MYRIP: variants seen among roughly 807,000 people sequenced by gnomAD.
MYRIP encodes the protein rab effector MyRIP.
In MYRIP, 49 loss-of-function variants were observed where a neutral mutation model predicts 98.0. That is an observed-to-expected ratio of 0.50 (90% CI 0.40 to 0.63). The LOEUF is 0.63. MYRIP is among the 30% of genes least tolerant of loss of function. MYRIP has a pLI of 0.00. For synonymous variants in MYRIP, 404 were observed against 409.5 expected (o/e 0.99, Z 0.16); for missense variants, 1,004 against 1,058.2 (o/e 0.95, Z 0.71).
intron 1 of MYRIP, among the ~76,000 whole-genome samples, chr3:39,890,369 C>G (rs766546025): frequency 5.3e-5 from 8 of 151,990 alleles, no homozygotes; most frequent in Non-Finnish European, 1.2e-4. Context: ...TGATATTTCC[C>G]CATTTCTTCA....
intron 1 of MYRIP, among the ~76,000 whole-genome samples, chr3:39,875,879 C>T (rs1189609818): frequency 6.6e-6 from 1 of 151,978 alleles, no homozygotes; most frequent in Non-Finnish European, 1.5e-5. Flanking sequence ...GAGCTGAGTT[C>T]AATTCCTGGG....
intron 1 of MYRIP, among the ~76,000 whole-genome samples, chr3:39,814,622 C>A (rs1940817611): frequency 6.6e-6 from 1 of 152,208 alleles, no homozygotes; most frequent in African/African-American, 2.4e-5. Flanking sequence ...ATCCTTGGAT[C>A]TGTCTCTTGA....
At chr3:39,976,698 T>C (rs1029469167) in intron 2 of MYRIP, among the ~76,000 whole-genome samples, 8 of 152,192 alleles carry the variant, frequency 5.3e-5, no homozygotes, top group African/African-American at 1.9e-4. Flanking sequence ...ATATACACCA[T>C]GGAATACTAT....
At chr3:39,969,047 G>C (rs1254791633) in intron 2 of MYRIP, among the ~76,000 whole-genome samples, 1 of 152,000 alleles carries the variant, frequency 6.6e-6, no homozygotes, top group Admixed American at 6.6e-5. Context: ...TCACCTCCCT[G>C]GTTAGCTATG....
chr3:39,977,615 T>G (rs1373026945), intron 2 of MYRIP, among the ~76,000 whole-genome samples: 2 of 152,108 alleles, frequency 1.3e-5, no homozygotes, highest in Admixed American at 6.6e-5. Flanking sequence ...GACAATTAGG[T>G]GGAAACTAGT....
chr3:39,962,217 G>A (rs1945339684), intron 2 of MYRIP, among the ~76,000 whole-genome samples: 2 of 152,258 alleles, frequency 1.3e-5, no homozygotes, highest in East Asian at 3.9e-4. Context: ...TGAAGGTCAA[G>A]TAAAATTATG....
chr3:39,930,611 G>A (rs1235100880), intron 2 of MYRIP, among the ~76,000 whole-genome samples: 1 of 151,924 alleles, frequency 6.6e-6, no homozygotes, highest in Non-Finnish European at 1.5e-5. Flanking sequence ...ATCCAAGGTT[G>A]TAAAGATTTA....
At chr3:39,995,746 A>G (rs1017636901) in intron 2 of MYRIP, among the ~76,000 whole-genome samples, 2 of 152,160 alleles carry the variant, frequency 1.3e-5, no homozygotes, top group Non-Finnish European at 2.9e-5. Context: ...AGATTCACCA[A>G]AGTTGAAATG....
At chr3:40,017,905 TC>T (rs1946904044) in intron 2 of MYRIP, among the ~76,000 whole-genome samples, 1 of 152,264 alleles carries the variant, frequency 6.6e-6, no homozygotes. Flanking sequence ...TAATGAGTAA[TC>T]AGCTTTGTCT....
chr3:40,203,976 TATATATA>T (rs1260882191), intron 10 of MYRIP, among the ~76,000 whole-genome samples: 4 of 9,066 alleles, frequency 4.4e-4, no homozygotes, highest in African/African-American at 5.5e-4. Flanking sequence ...TTATATATAT[TATATATA>T]ATATATATTA....
At chr3:39,898,919 T>C (rs891704844) in intron 1 of MYRIP, among the ~76,000 whole-genome samples, 20 of 152,254 alleles carry the variant, frequency 1.3e-4, no homozygotes, top group African/African-American at 4.8e-4. Context: ...TATTTTTATT[T>C]AGTTTTAGGT....
At chr3:40,144,489 A>T (rs1949972201) in intron 3 of MYRIP, among the ~76,000 whole-genome samples, 1 of 152,236 alleles carries the variant, frequency 6.6e-6, no homozygotes, top group Admixed American at 6.5e-5. Context: ...TGAGGGGCAC[A>T]GTAACAACTA....
chr3:40,094,895 C>T (rs545417055), intron 3 of MYRIP, among the ~76,000 whole-genome samples: 1 of 152,254 alleles, frequency 6.6e-6, no homozygotes, highest in South Asian at 2.1e-4. Flanking sequence ...GATGGCTTTG[C>T]CAGAGCTCTG....
Position 40,004,608 on chromosome 3 carries a change from T to C in MYRIP, c.111-39442T>C, listed in dbSNP as rs4470433. 5.3e-5 allele frequency among the ~76,000 whole-genome samples: 8 copies of C among 152,274 alleles called. No homozygotes were observed. In the South Asian group the frequency reaches 1.7e-3, roughly 32 times the overall value. ...AGCAGTATACACTGTACCCCATGTG[T>C]AGTCTTTTATCCCTCACCCCAACTC... is the stretch of plus-strand genomic sequence containing the variant. On this transcript the variant is annotated intron_variant, in intron 2 of 16. Transcript: ENST00000302541.
At chr3:40,011,406 C>T (rs1043397180) in intron 2 of MYRIP, among the ~76,000 whole-genome samples, 5 of 152,142 alleles carry the variant, frequency 3.3e-5, no homozygotes, top group South Asian at 4.1e-4. Context: ...CTAGGCTCAC[C>T]GTTAATCATG....
intron 1 of MYRIP, among the ~76,000 whole-genome samples, chr3:39,877,075 G>T (rs991912049): frequency 6.6e-6 from 1 of 151,708 alleles, no homozygotes; most frequent in Admixed American, 6.6e-5. Context: ...TTCCCTTCTC[G>T]CTTCATTTCA....
At chr3:40,220,151 TC>T (rs1415516387) in intron 11 of MYRIP, among the ~76,000 whole-genome samples, 9 of 152,224 alleles carry the variant, frequency 5.9e-5, no homozygotes, top group Middle Eastern at 6.8e-3. Context: ...AAGTGTCTGT[TC>T]ATATCCTTCG....
intron 12 of MYRIP, among the ~76,000 whole-genome samples, chr3:40,240,443 C>T (rs1220525731): frequency 6.6e-6 from 1 of 152,208 alleles, no homozygotes; most frequent in Admixed American, 6.5e-5. Flanking sequence ...GCACACTGTG[C>T]ACGAGCTGAA....
intron 1 of MYRIP, among the ~76,000 whole-genome samples, chr3:39,815,392 CAT>C (rs546609054): frequency 1.0e-3 from 155 of 151,894 alleles, no homozygotes; most frequent in Admixed American, 1.8e-3. Flanking sequence ...TGTATTTCAT[CAT>C]ATATATGTGT....
Sources: gnomAD v4.1 joint callset for allele counts (sites outside exome capture counted in the v4.1 genomes callset) on GRCh38, gnomAD v4.1.1 for gene constraint, MANE v1.5 for transcripts, NCBI Gene and HGNC (gene_info 2026-07-23, HGNC 2026-07-21) for gene names.